RNF13: variants seen among roughly 807,000 people sequenced by gnomAD.
The protein encoded by RNF13 is E3 ubiquitin-protein ligase RNF13.
In RNF13, 19 loss-of-function variants were observed where a neutral mutation model predicts 37.7. The observed-to-expected ratio is 0.50, with a 90% CI of 0.35 to 0.74. The LOEUF (loss-of-function observed/expected upper bound fraction) is 0.74. Among genes scored for constraint, RNF13 ranks in the 30% least tolerant of loss-of-function variants. RNF13 has a pLI of 0.01. For missense variants in RNF13, 375 were observed against 453.0 expected (o/e 0.83, Z 1.56); for synonymous variants, 144 against 157.8 (o/e 0.91, Z 0.65).
intron 8 of RNF13, among the ~76,000 whole-genome samples, chr3:149,923,563 G>A (rs753756710): frequency 1.8e-4 from 27 of 151,934 alleles, no homozygotes; most frequent in African/African-American, 6.3e-4. Context: ...TCAGGAGATC[G>A]AGACCATCCT....
intron 5 of RNF13, among the ~76,000 whole-genome samples, chr3:149,899,986 G>A (rs1314286411): frequency 6.6e-6 from 1 of 152,198 alleles, no homozygotes; most frequent in Non-Finnish European, 1.5e-5. Flanking sequence ...TTGTCGATAT[G>A]TACTTCACAG....
intron 3 of RNF13, among the ~76,000 whole-genome samples, chr3:149,856,905 G>A (rs1253525608): frequency 3.3e-5 from 5 of 152,152 alleles, no homozygotes; most frequent in East Asian, 1.9e-4. Flanking sequence ...CCGCCACTAC[G>A]CACGGCTAAT....
chr3:149,828,592 G>A (rs896693268), intron 1 of RNF13, among the ~76,000 whole-genome samples: 1 of 152,138 alleles, frequency 6.6e-6, no homozygotes, highest in Non-Finnish European at 1.5e-5. Context: ...GCTAGGGTTG[G>A]CAGCCTATGG....
rs540759590 is a variant in RNF13 at position 149,882,166 on chromosome 3, C to G, written c.321+10012C>G. ...TGTTGAAGCATGTTCATGATGATCT[C>G]GAGTAACTGGAAAAGGTCAAGTCAC... is the stretch of plus-strand genomic sequence containing the variant. On this transcript the variant is annotated intron_variant, in intron 4 of 9. Coordinates refer to ENST00000392894, the MANE Select transcript of RNF13 (RefSeq NM_183381.3). 4.0e-5 allele frequency among the ~76,000 whole-genome samples: 6 copies of G among 151,320 alleles called. No individual in the cohort carries two copies. In the South Asian group the frequency reaches 1.3e-3, roughly 32 times the overall value.
At chr3:149,822,040 C>T (rs1266092785) in intron 1 of RNF13, among the ~76,000 whole-genome samples, 4 of 152,128 alleles carry the variant, frequency 2.6e-5, no homozygotes, top group Non-Finnish European at 5.9e-5. Flanking sequence ...GTTTTGATTA[C>T]TGTAGCTTTG....
At chr3:149,819,631 A>C (rs1204081771) in intron 1 of RNF13, among the ~76,000 whole-genome samples, 4 of 152,190 alleles carry the variant, frequency 2.6e-5, no homozygotes. Context: ...GTCTGGGAGA[A>C]GAGAAAGTGC....
chr3:149,858,842 C>A (rs1279518870), intron 3 of RNF13, among the ~76,000 whole-genome samples: 2 of 152,154 alleles, frequency 1.3e-5, no homozygotes, highest in Non-Finnish European at 2.9e-5. Flanking sequence ...ACAAACTAGG[C>A]TTGTTCTTTG....
intron 1 of RNF13, among the ~76,000 whole-genome samples, chr3:149,827,778 A>C (rs998871259): frequency 1.1e-4 from 16 of 152,162 alleles, no homozygotes; most frequent in African/African-American, 3.9e-4. Flanking sequence ...GTGTCCAGAA[A>C]AGACCAAGAA....
At chr3:149,937,970 A>G (rs1372703868) in intron 8 of RNF13, among the ~76,000 whole-genome samples, 4 of 151,992 alleles carry the variant, frequency 2.6e-5, no homozygotes, top group Non-Finnish European at 5.9e-5. Flanking sequence ...GTTGAGTTCA[A>G]CTGTGTCCTT....
At chr3:149,846,181 T>A in intron 2 of RNF13, 41 bp downstream of exon 2, 1 of 1,303,172 alleles carries the variant, frequency 7.7e-7, no homozygotes, top group Non-Finnish European at 1.1e-6. Flanking sequence ...AAACATCCCT[T>A]AAAGAAAAGC....
chr3:149,850,528 G>A (rs1444427409), intron 2 of RNF13, among the ~76,000 whole-genome samples: 2 of 152,184 alleles, frequency 1.3e-5, no homozygotes, highest in Non-Finnish European at 2.9e-5. Context: ...AGTGTTACAA[G>A]TACTGTAGTT....
intron 3 of RNF13, among the ~76,000 whole-genome samples, chr3:149,866,087 A>G (rs965049579): frequency 6.6e-6 from 1 of 151,644 alleles, no homozygotes; most frequent in Admixed American, 6.6e-5. Flanking sequence ...ATGTCATGAC[A>G]TCTATAAACT....
intron 8 of RNF13, chr3:149,939,625 T>C (rs1034273770): frequency 7.8e-6 from 5 of 637,750 alleles, no homozygotes; most frequent in African/African-American, 3.6e-5. Flanking sequence ...TTCAACAATA[T>C]GCAATTTATC....
At chr3:149,938,827 C>T (rs1719967098) in intron 8 of RNF13, among the ~76,000 whole-genome samples, 1 of 152,108 alleles carries the variant, frequency 6.6e-6, no homozygotes, top group Non-Finnish European at 1.5e-5. Flanking sequence ...AAAAACTAAA[C>T]AGGCATTTTG....
chr3:149,884,981 T>C (rs891903974), intron 4 of RNF13, among the ~76,000 whole-genome samples: 8 of 152,206 alleles, frequency 5.3e-5, no homozygotes, highest in Non-Finnish European at 4.4e-5. Context: ...AAACATGTGA[T>C]GTTTGTCTTT....
chr3:149,955,076 A>C (rs1189565463), intron 8 of RNF13, among the ~76,000 whole-genome samples: 3 of 152,182 alleles, frequency 2.0e-5, no homozygotes, highest in Admixed American at 6.5e-5. Flanking sequence ...CTGAAATATA[A>C]ATGATAAAAG....
intron 6 of RNF13, among the ~76,000 whole-genome samples, chr3:149,907,874 A>G (rs1396819999): frequency 6.6e-6 from 1 of 152,258 alleles, no homozygotes; most frequent in African/African-American, 2.4e-5. Flanking sequence ...AAAAGCACCT[A>G]AAAGTGGAAT....
chr3:149,957,384 A>C (rs1211333082), intron 8 of RNF13, among the ~76,000 whole-genome samples: 1 of 145,996 alleles, frequency 6.8e-6, no homozygotes, highest in East Asian at 2.2e-4. Context: ...GGATGGGTTG[A>C]GGGGAGCAAC....
intron 8 of RNF13, among the ~76,000 whole-genome samples, chr3:149,955,953 T>G (rs1721821650): frequency 1.3e-5 from 2 of 152,180 alleles, no homozygotes; most frequent in South Asian, 4.1e-4. Context: ...TATGTCCAAA[T>G]GTTTTTGTTA....
Sources: gnomAD v4.1 joint callset for allele counts (sites outside exome capture counted in the v4.1 genomes callset) on GRCh38, gnomAD v4.1.1 for gene constraint, MANE v1.5 for transcripts, NCBI Gene and HGNC (gene_info 2026-07-23, HGNC 2026-07-21) for gene names.